CTNNA3: variants seen among roughly 807,000 people sequenced by gnomAD.
The protein encoded by CTNNA3 is catenin alpha-3.
Under a neutral mutation model 95.7 loss-of-function variants are expected in CTNNA3, and 76 were observed. The observed-to-expected ratio is 0.79, with a 90% CI of 0.66 to 0.96. CTNNA3 has a LOEUF of 0.96. Among genes scored for constraint, CTNNA3 ranks in the 40% least tolerant of loss-of-function variants. The probability of loss-of-function intolerance (pLI) is 0.00; values close to 1 mark genes in which losing one functional copy is unlikely to be tolerated. For synonymous variants in CTNNA3, 431 were observed against 374.4 expected, an observed-to-expected ratio of 1.15 and a Z score of -1.74; for missense variants, 1,191 against 1,089.8, an observed-to-expected ratio of 1.09 and a Z score of -1.31.
At chr10:66,032,157 T>A (rs185895337) in intron 15 of CTNNA3, among the ~76,000 whole-genome samples, 2 of 152,270 alleles carry the variant, frequency 1.3e-5, no homozygotes, top group East Asian at 3.9e-4. Flanking sequence ...AAAAAATATA[T>A]CCTTACATAT....
chr10:67,069,951 T>C (rs777458049), intron 7 of CTNNA3, among the ~76,000 whole-genome samples: 1 of 152,166 alleles, frequency 6.6e-6, no homozygotes, highest in African/African-American at 2.4e-5. Flanking sequence ...TACTGGGTCA[T>C]GGGATATGCA....
At chr10:67,561,711 G>A (rs1015796576) in intron 3 of CTNNA3, among the ~76,000 whole-genome samples, 18 of 151,932 alleles carry the variant, frequency 1.2e-4, no homozygotes, top group Admixed American at 1.0e-3. Flanking sequence ...CTGGTTTTTT[G>A]AAAGGATCAA....
intron 7 of CTNNA3, among the ~76,000 whole-genome samples, chr10:66,934,953 G>A (rs1005206988): frequency 2.6e-5 from 4 of 152,088 alleles, no homozygotes; most frequent in Non-Finnish European, 4.4e-5. Flanking sequence ...TGAAGTGGGA[G>A]CAGAATGAAA....
intron 10 of CTNNA3, among the ~76,000 whole-genome samples, chr10:66,584,455 T>C (rs1843294289): frequency 6.6e-6 from 1 of 152,034 alleles, no homozygotes; most frequent in Non-Finnish European, 1.5e-5. Context: ...CCTTTTTTAA[T>C]ATTGTTGCTC....
At chr10:67,442,559 A>G (rs10997641) in intron 5 of CTNNA3, among the ~76,000 whole-genome samples, 105,734 of 151,938 alleles carry the variant, frequency 0.7, 41,374 homozygotes, top group Non-Finnish European at 0.87. Context: ...AAAAAGGAGT[A>G]GCTATACTTA....
intron 5 of CTNNA3, among the ~76,000 whole-genome samples, chr10:67,471,412 G>T (rs114301571): frequency 0.01 from 1,539 of 152,320 alleles, 26 homozygotes; most frequent in African/African-American, 0.035. Flanking sequence ...CTATTATGAA[G>T]CTAAATCTGA....
In CTNNA3 at chr10:67,706,751, T is replaced by C. The variant is rs191761333; in HGVS notation, c.-2+56683A>G. ...GCAACAGAGCAAAGGGAGATACAGA[T>C]AGAAGAAAACAAGCTAGTTCACTGA... On this transcript the variant is annotated intron_variant, in intron 1 of 17. Transcript: ENST00000684154. 1.3e-3 allele frequency among the ~76,000 whole-genome samples: 205 copies of C among 152,250 alleles called. 1 individual carries two copies. The Middle Eastern group carries it at 0.031, about 23-fold the overall frequency.
At chr10:66,228,376 C>A (rs1182451079) in intron 13 of CTNNA3, among the ~76,000 whole-genome samples, 1 of 151,822 alleles carries the variant, frequency 6.6e-6, no homozygotes, top group Non-Finnish European at 1.5e-5. Context: ...ATTTTCATTT[C>A]TTTGAAGAAA....
intron 7 of CTNNA3, among the ~76,000 whole-genome samples, chr10:67,004,227 A>G (rs1402184561): frequency 1.3e-5 from 2 of 152,196 alleles, no homozygotes; most frequent in African/African-American, 4.8e-5. Flanking sequence ...TTTCTACAAA[A>G]AAGTTTCAGA....
At chr10:66,303,066 T>C (rs916000500) in intron 12 of CTNNA3, among the ~76,000 whole-genome samples, 18 of 152,156 alleles carry the variant, frequency 1.2e-4, no homozygotes, top group African/African-American at 3.6e-4. Context: ...TAATTTGACA[T>C]AGCACATTCA....
intron 5 of CTNNA3, among the ~76,000 whole-genome samples, chr10:67,509,715 G>A (rs944640789): frequency 6.6e-6 from 1 of 152,140 alleles, no homozygotes; most frequent in East Asian, 1.9e-4. Context: ...CCAGTAATGG[G>A]GTTGCTGGAT....
At chr10:66,376,370 T>G (rs951227222) in intron 12 of CTNNA3, among the ~76,000 whole-genome samples, 4 of 152,180 alleles carry the variant, frequency 2.6e-5, no homozygotes, top group Admixed American at 1.3e-4. Flanking sequence ...TACAATATTA[T>G]GCTTCTATCT....
rs2091236411 is a variant in CTNNA3 at position 66,269,763 on chromosome 10, C to T, written c.1884+10707G>A. 2.6e-5 allele frequency among the ~76,000 whole-genome samples: 4 copies of T among 152,132 alleles called. No homozygotes were observed. The South Asian group carries it at 8.3e-4, about 32-fold the overall frequency. ...GGATCTTTTTTTCCCATAACCCAGCCACTAATACATACACTAAGAAAGTCT... is the reference window on the plus strand; with the variant it reads ...GGATCTTTTTTTCCCATAACCCAGCTACTAATACATACACTAAGAAAGTCT... On this transcript the variant is annotated intron_variant, in intron 13 of 17. Coordinates refer to ENST00000433211, the MANE Select transcript of CTNNA3 (RefSeq NM_013266.4).
At chr10:66,605,416 C>T (rs1844082703) in intron 10 of CTNNA3, among the ~76,000 whole-genome samples, 2 of 152,100 alleles carry the variant, frequency 1.3e-5, no homozygotes, top group South Asian at 4.1e-4. Context: ...ACTTCTCCAA[C>T]CTAGCTAGAG....
At chr10:66,186,300 G>A (rs2131870603) in intron 13 of CTNNA3, among the ~76,000 whole-genome samples, 1 of 151,976 alleles carries the variant, frequency 6.6e-6, no homozygotes, top group East Asian at 1.9e-4. Flanking sequence ...GTGTGTGTGT[G>A]TGTGAGAGAT....
At chr10:66,549,667 A>T (rs1018983343) in intron 10 of CTNNA3, among the ~76,000 whole-genome samples, 1 of 152,138 alleles carries the variant, frequency 6.6e-6, no homozygotes, top group African/African-American at 2.4e-5. Context: ...ACAAATTGTA[A>T]TATTTTATAT....
At position 66,947,292 on chromosome 10, in the gene CTNNA3, A is replaced by T. The variant is rs550100260; in HGVS notation, c.1048-171768T>A. On this transcript the variant is annotated intron_variant, in intron 7 of 17. Coordinates refer to ENST00000433211, the MANE Select transcript of CTNNA3 (RefSeq NM_013266.4). ...GTATCTTGTACAGATGCATTTCTTG[A>T]GTTGTTCTGAGGTCCCACTATATTA... Among the ~76,000 whole-genome samples, 51 of 152,292 alleles carry T rather than the reference A, an allele frequency of 3.3e-4. 1 individual carries two copies. The highest frequency in any genetic ancestry group is 1.2e-3 in the African/African-American group (49 of 41,574).
At chr10:66,832,252 T>C (rs1014191643) in intron 7 of CTNNA3, among the ~76,000 whole-genome samples, 1 of 152,220 alleles carries the variant, frequency 6.6e-6, no homozygotes, top group Non-Finnish European at 1.5e-5. Flanking sequence ...TGAGACCCTG[T>C]ATATATCTAT....
At chr10:66,979,652 T>C (rs190869472) in intron 7 of CTNNA3, among the ~76,000 whole-genome samples, 34 of 152,248 alleles carry the variant, frequency 2.2e-4, no homozygotes, top group Non-Finnish European at 4.3e-4. Flanking sequence ...ACTTAGAACA[T>C]AGATGTTTGT....
Sources: gnomAD v4.1 joint callset for allele counts (sites outside exome capture counted in the v4.1 genomes callset) on GRCh38, gnomAD v4.1.1 for gene constraint, MANE v1.5 for transcripts, NCBI Gene and HGNC (gene_info 2026-07-23, HGNC 2026-07-21) for gene names.